The following EIPR1 variants were observed in gnomAD, a reference collection of about 807,000 sequenced individuals.
EIPR1 encodes EARP complex and GARP complex interacting protein 1.
EIPR1 carries 25 observed loss-of-function variants against 48.1 expected under a neutral mutation model. The observed-to-expected ratio is 0.52, with a 90% CI of 0.38 to 0.73. The LOEUF (loss-of-function observed/expected upper bound fraction) is 0.73. EIPR1 is among the 30% of genes least tolerant of loss of function. EIPR1 has a pLI of 0.00. For missense variants in EIPR1, 415 were observed against 506.2 expected (o/e 0.82, Z 1.73); for synonymous variants, 204 against 201.9 (o/e 1.01, Z -0.09).
intron 3 of EIPR1, among the ~76,000 whole-genome samples, chr2:3,284,962 C>A (rs1249313488): frequency 6.6e-6 from 1 of 152,188 alleles, no homozygotes; most frequent in Non-Finnish European, 1.5e-5. Context: ...GAAAGAAGAA[C>A]AGACGTGTAG....
chr2:3,276,994 C>A (rs1229374166), intron 3 of EIPR1, among the ~76,000 whole-genome samples: 4 of 152,166 alleles, frequency 2.6e-5, no homozygotes, highest in African/African-American at 9.7e-5. Flanking sequence ...TTGTCAGTTA[C>A]GGGTACTGTG....
At chr2:3,240,634 T>C (rs1237176402) in intron 4 of EIPR1, among the ~76,000 whole-genome samples, 1 of 11,432 alleles carries the variant, frequency 8.7e-5, no homozygotes. Context: ...AGCCAGCAGA[T>C]CCCTCCTAAA....
rs532538427 is a variant in EIPR1, at chr2:3,365,632, G to C, written c.43-10999C>G. The stretch of plus-strand genomic sequence containing the variant: ...GGTTTTCCTAGGCAGAGGACCCTGC[G>C]GCCTTCCGCAGTGTTTGTGTCCCTG... On this transcript the variant is annotated intron_variant, in intron 1 of 8. Coordinates refer to ENST00000382125, the MANE Select transcript of EIPR1 (RefSeq NM_003310.5). Among the ~76,000 whole-genome samples the C allele has an allele frequency of 3.3e-5, 5 of 150,318 alleles. No individual in the cohort carries two copies. In the East Asian group the frequency reaches 5.9e-4, roughly 18 times the overall value.
chr2:3,272,585 T>C (rs1267022232), intron 3 of EIPR1, among the ~76,000 whole-genome samples: 1 of 152,166 alleles, frequency 6.6e-6, no homozygotes, highest in Non-Finnish European at 1.5e-5. Flanking sequence ...AACACACATT[T>C]ACAGATTCAC....
intron 3 of EIPR1, among the ~76,000 whole-genome samples, chr2:3,289,273 C>A (rs1365558760): frequency 6.6e-6 from 1 of 152,154 alleles, no homozygotes; most frequent in Non-Finnish European, 1.5e-5. Context: ...CTGGGTGATC[C>A]TCCAAATTAT....
chr2:3,243,739 G>A (rs967738460), intron 4 of EIPR1, among the ~76,000 whole-genome samples: 3 of 152,084 alleles, frequency 2.0e-5, no homozygotes, highest in Non-Finnish European at 4.4e-5. Context: ...AAAAACAACG[G>A]CCCTAATCAC....
At position 3,189,886 on chromosome 2, in the gene EIPR1, T is replaced by C. The variant is rs192570012; in HGVS notation, c.990-378A>G. Among the ~76,000 whole-genome samples, 887 of 152,286 alleles carry C rather than the reference T, an allele frequency of 5.8e-3. 7 individuals are homozygous for C. The highest frequency in any genetic ancestry group is 0.031 in the Middle Eastern group (9 of 294). ...AAGACTGGGGGAAGTAGTCACCGTG[T>C]CTGGGTAACACAGGATGTAAACGCC... is the stretch of plus-strand genomic sequence containing the variant. On this transcript the variant is annotated intron_variant, in intron 8 of 8. Coordinates refer to ENST00000382125, the MANE Select transcript of EIPR1 (RefSeq NM_003310.5). The surrounding 1 kb of genome is among the most constrained non-coding windows in gnomAD (Gnocchi z 4.6).
chr2:3,254,989 CCTATAA>C (rs1306077637), intron 4 of EIPR1, among the ~76,000 whole-genome samples: 2 of 152,050 alleles, frequency 1.3e-5, no homozygotes, highest in African/African-American at 2.4e-5. Flanking sequence ...CTCTGTTACT[CCTATAA>C]CTATATGTGA....
At chr2:3,205,674 C>A (rs762095243) in intron 5 of EIPR1, among the ~76,000 whole-genome samples, 3 of 152,220 alleles carry the variant, frequency 2.0e-5, no homozygotes, top group Non-Finnish European at 4.4e-5. Context: ...TGGAAACTTC[C>A]CTTCCCTATC....
chr2:3,295,248 ATCCAGCCCGTCCTCTCTCCACACACACC>A (rs1668518557), intron 3 of EIPR1, among the ~76,000 whole-genome samples: 1 of 114,652 alleles, frequency 8.7e-6, no homozygotes, highest in Non-Finnish European at 1.8e-5. Context: ...TACACCCTCC[ATCCAGCCCGTCCTCTCTCCACACACACC>A]CTCCATCCAG....
chr2:3,338,874 G>A (rs907566838), intron 2 of EIPR1, among the ~76,000 whole-genome samples: 2 of 152,134 alleles, frequency 1.3e-5, no homozygotes, highest in African/African-American at 4.8e-5. Flanking sequence ...CCAAGTCAAT[G>A]AGAAAACATA....
chr2:3,199,988 G>A (rs1558217865), intron 5 of EIPR1, among the ~76,000 whole-genome samples: 1 of 152,010 alleles, frequency 6.6e-6, no homozygotes, highest in Non-Finnish European at 1.5e-5. Flanking sequence ...GGTGACGGGT[G>A]TGTCTGCATC....
rs554621203 is a variant in EIPR1 at position 3,224,187 on chromosome 2, C to T, written c.417-9939G>A. ...CTGTAGTCTCTGCCTGGTCCCATCT[C>T]GGCCTGTATTTGCCGTTTTCCATCA... is the stretch of plus-strand genomic sequence containing the variant. On this transcript the variant is annotated intron_variant, in intron 4 of 8. Coordinates refer to ENST00000382125, the MANE Select transcript of EIPR1 (RefSeq NM_003310.5). Among the ~76,000 whole-genome samples, 103 of 152,266 alleles carry T rather than the reference C, an allele frequency of 6.8e-4. No individual in the cohort carries two copies. The Middle Eastern group carries it at 0.01, about 15-fold the overall frequency.
At chr2:3,214,321 T>C (rs1665556348) in intron 4 of EIPR1, 73 bp from the exon 5 acceptor site, 2 of 1,367,842 alleles carry the variant, frequency 1.5e-6, no homozygotes, top group East Asian at 2.3e-5. Flanking sequence ...AGAGCTGTGA[T>C]ACATGTTCTT....
At chr2:3,216,776 GTT>G (rs932779587) in intron 4 of EIPR1, among the ~76,000 whole-genome samples, 11 of 152,324 alleles carry the variant, frequency 7.2e-5, no homozygotes, top group African/African-American at 2.6e-4. Context: ...CTTAATACCT[GTT>G]GATGAATTCT....
chr2:3,214,980 A>G (rs1665580950), intron 4 of EIPR1, among the ~76,000 whole-genome samples: 1 of 152,208 alleles, frequency 6.6e-6, no homozygotes, highest in Non-Finnish European at 1.5e-5. Flanking sequence ...ACGTGAGGAC[A>G]CAGTGAGAAG....
chr2:3,286,766 T>C lies in EIPR1; in HGVS notation c.260-29311A>G, dbSNP rs898694624. On this transcript the variant is annotated intron_variant, in intron 3 of 8. Transcript: ENST00000382125. This position sits in a 1 kb window ranked among gnomAD's most constrained non-coding sequence, Gnocchi z 4.2. ...TCCCAGCAGCTCCAAGAGGCGGAGCTATCAATTTCACATACAGACAAGGAA... is the reference window on the plus strand; with the variant it reads ...TCCCAGCAGCTCCAAGAGGCGGAGCCATCAATTTCACATACAGACAAGGAA... Among the ~76,000 whole-genome samples the C allele has an allele frequency of 4.6e-5, 7 of 152,194 alleles. No individual in the cohort carries two copies. The highest frequency in any genetic ancestry group is 1.3e-4 in the Admixed American group (2 of 15,288).
chr2:3,219,687 C>A (rs1188166664), intron 4 of EIPR1, among the ~76,000 whole-genome samples: 2 of 151,728 alleles, frequency 1.3e-5, no homozygotes, highest in East Asian at 3.9e-4. Context: ...CAGGTGCACA[C>A]CCAACACAAC....
intron 3 of EIPR1, among the ~76,000 whole-genome samples, chr2:3,306,711 A>C (rs1311185365): frequency 6.6e-6 from 1 of 152,190 alleles, no homozygotes; most frequent in Admixed American, 6.5e-5. Flanking sequence ...GATCATCATA[A>C]AGCTCTTCAT....
Sources: gnomAD v4.1 joint callset for allele counts (sites outside exome capture counted in the v4.1 genomes callset) on GRCh38, gnomAD v4.1.1 for gene constraint, Gnocchi (gnomAD v3.1) non-coding constraint, MANE v1.5 for transcripts, NCBI Gene and HGNC (gene_info 2026-07-23, HGNC 2026-07-21) for gene names.